The following NPFFR2 variants were observed in gnomAD, a reference collection of about 807,000 sequenced individuals.
NPFFR2 encodes the protein neuropeptide FF receptor 2.
Under a neutral mutation model 13.1 loss-of-function variants are expected in NPFFR2, and 15 were observed. That is an observed-to-expected ratio of 1.15 (90% CI 0.77 to 1.76). The LOEUF is 1.76. NPFFR2 is among the 40% of genes most tolerant of loss of function. NPFFR2 has a pLI of 0.00. For synonymous variants in NPFFR2, 190 were observed against 175.7 expected, an observed-to-expected ratio of 1.08 and a Z score of -0.65; for missense variants, 572 against 503.5, an observed-to-expected ratio of 1.14 and a Z score of -1.30.
At chr4:72,109,124 GA>G (rs1721494787) in intron 1 of NPFFR2, among the ~76,000 whole-genome samples, 1 of 151,916 alleles carries the variant, frequency 6.6e-6, no homozygotes, top group South Asian at 2.1e-4. Context: ...TTAGATTACA[GA>G]TTACTAAGAA....
rs1719446784 is a variant in NPFFR2 at position 72,048,560 on chromosome 4, A to G, written c.-8+16360A>G. Among the ~76,000 whole-genome samples the G allele has an allele frequency of 2.0e-5, 3 of 152,232 alleles. No homozygotes were observed. The South Asian group carries it at 6.2e-4, about 32-fold the overall frequency. On this transcript the variant is annotated intron_variant, in intron 1 of 3. Coordinates refer to ENST00000308744, the MANE Select transcript of NPFFR2 (RefSeq NM_004885.3). ...GAAGTATCTGATGGAGAAAATGAAC[A>G]AATAGCTTAAAAATATATAAAAGAG... is the stretch of plus-strand genomic sequence containing the variant.
chr4:72,037,629 T>C (rs1719078284), intron 1 of NPFFR2, among the ~76,000 whole-genome samples: 1 of 152,172 alleles, frequency 6.6e-6, no homozygotes, highest in Non-Finnish European at 1.5e-5. Flanking sequence ...CATGATCTCC[T>C]CTTCTGTCTG....
chr4:72,106,948 A>G (rs1721435626), intron 1 of NPFFR2, among the ~76,000 whole-genome samples: 1 of 152,030 alleles, frequency 6.6e-6, no homozygotes, highest in South Asian at 2.1e-4. Context: ...CACATTGAAT[A>G]TCACGTCATG....
intron 1 of NPFFR2, among the ~76,000 whole-genome samples, chr4:72,127,663 C>T: frequency 6.6e-6 from 1 of 150,960 alleles, no homozygotes; most frequent in East Asian, 2.0e-4. Context: ...GCGCCCGGCC[C>T]AATAATTTCT....
At chr4:72,038,437 A>C (rs1719099765) in intron 1 of NPFFR2, among the ~76,000 whole-genome samples, 1 of 152,130 alleles carries the variant, frequency 6.6e-6, no homozygotes, top group Admixed American at 6.5e-5. Flanking sequence ...GTTCTGTGAA[A>C]ATTTTACTTC....
At chr4:72,124,692 AAAT>A (rs748689104) in intron 1 of NPFFR2, among the ~76,000 whole-genome samples, 1 of 152,216 alleles carries the variant, frequency 6.6e-6, no homozygotes, top group Non-Finnish European at 1.5e-5. Context: ...CCTACTTAAT[AAAT>A]GGTGCTGGGA....
At chr4:72,124,699 G>C (rs533602804) in intron 1 of NPFFR2, among the ~76,000 whole-genome samples, 1 of 152,230 alleles carries the variant, frequency 6.6e-6, no homozygotes, top group East Asian at 1.9e-4. Flanking sequence ...AATAAATGGT[G>C]CTGGGAAAAC....
chr4:72,141,086 C>G (rs572605355), intron 3 of NPFFR2, among the ~76,000 whole-genome samples: 1 of 151,962 alleles, frequency 6.6e-6, no homozygotes, highest in African/African-American at 2.4e-5. Context: ...GTTTGTATTT[C>G]TGTGGGATCA....
intron 1 of NPFFR2, among the ~76,000 whole-genome samples, chr4:72,057,790 G>A (rs1321037095): frequency 6.6e-6 from 1 of 151,936 alleles, no homozygotes; most frequent in East Asian, 1.9e-4. Flanking sequence ...CCATAATGGA[G>A]AGACCTGGCA....
intron 1 of NPFFR2, among the ~76,000 whole-genome samples, chr4:72,110,764 G>T (rs1721543192): frequency 6.6e-6 from 1 of 151,900 alleles, no homozygotes; most frequent in African/African-American, 2.4e-5. Flanking sequence ...GTATGTTCTG[G>T]TTTCGGGTGC....
At chr4:72,128,121 T>A (rs1292330742) in intron 1 of NPFFR2, among the ~76,000 whole-genome samples, 1 of 152,200 alleles carries the variant, frequency 6.6e-6, no homozygotes, top group Non-Finnish European at 1.5e-5. Context: ...GAGCAGAATA[T>A]GGCAAATACA....
intron 1 of NPFFR2, among the ~76,000 whole-genome samples, chr4:72,083,538 A>G (rs1218868429): frequency 6.6e-6 from 1 of 152,086 alleles, no homozygotes; most frequent in Non-Finnish European, 1.5e-5. Flanking sequence ...GGCTTTAGGA[A>G]CACCATGTTC....
chr4:72,136,573 G>A (rs1253794789), intron 2 of NPFFR2, among the ~76,000 whole-genome samples: 1 of 152,146 alleles, frequency 6.6e-6, no homozygotes, highest in African/African-American at 2.4e-5. Flanking sequence ...GTAAAAATCT[G>A]CATATCAGTG....
chr4:72,098,580 T>TTGGGCA (rs1721138024), intron 1 of NPFFR2, among the ~76,000 whole-genome samples: 1 of 152,170 alleles, frequency 6.6e-6, no homozygotes, highest in Non-Finnish European at 1.5e-5. Context: ...AGCCAAAAGA[T>TTGGGCA]TGGGCACCCC....
intron 2 of NPFFR2, 108 bp from the exon 3 acceptor site, chr4:72,137,932 C>A: frequency 1.3e-6 from 1 of 762,394 alleles, no homozygotes; most frequent in South Asian, 1.7e-5. Flanking sequence ...CTCTGCCTAT[C>A]ATGTAGAAAA....
intron 1 of NPFFR2, among the ~76,000 whole-genome samples, chr4:72,086,218 A>T (rs1578445592): frequency 1.3e-5 from 2 of 152,190 alleles, no homozygotes; most frequent in East Asian, 3.9e-4. Context: ...AATAAATTTA[A>T]ATAAATAGTC....
intron 2 of NPFFR2, among the ~76,000 whole-genome samples, chr4:72,134,129 G>A (rs1722336394): frequency 6.6e-6 from 1 of 152,022 alleles, no homozygotes; most frequent in African/African-American, 2.4e-5. Flanking sequence ...GCCTGGTATG[G>A]TGGCGTGCAC....
In NPFFR2 at chr4:72,128,810, C is replaced by T. The variant is rs200268318; in HGVS notation, c.219C>T (p.Asn73=). 67 of 1,613,894 alleles carry T rather than the reference C, an allele frequency of 4.2e-5. No individual in the cohort carries two copies. Among genetic ancestry groups the T allele is most frequent in the Non-Finnish European group, 4.6e-5 (54 of 1,179,926 alleles). ...TGGTTTGCTTTATTGTAATGAGGAACAAACATATGCACACAGTCACTAATC... is the reference window on the plus strand; with the variant it reads ...TGGTTTGCTTTATTGTAATGAGGAATAAACATATGCACACAGTCACTAATC... The part of the protein sequence containing the change: ...NTVVCFIVMR[N]KHMHTVTNLF... The change falls in exon 2 of 4, where the codon AAC becomes AAT. Residue 73 remains asparagine (N), a synonymous_variant. Transcript: ENST00000308744.
At chr4:72,091,634 G>A (rs950614782) in intron 1 of NPFFR2, among the ~76,000 whole-genome samples, 8 of 152,028 alleles carry the variant, frequency 5.3e-5, no homozygotes, top group African/African-American at 9.7e-5. Context: ...GGCATTCATC[G>A]TAGCCTTGAG....
Sources: allele counts gnomAD v4.1 joint callset (sites outside exome capture counted in the v4.1 genomes callset), GRCh38; gene constraint gnomAD v4.1.1; transcripts MANE v1.5; gene names NCBI Gene and HGNC (gene_info 2026-07-23, HGNC 2026-07-21).